The following WDR72 variants were observed in gnomAD, a reference collection of about 807,000 sequenced individuals.
WDR72 encodes WD repeat domain 72.
A neutral mutation model predicts 124.2 loss-of-function variants in WDR72; 120 were observed. The ratio of observed to expected loss-of-function variants is 0.97; its 90% CI spans 0.83 to 1.12. The LOEUF (loss-of-function observed/expected upper bound fraction) is 1.12, where lower values mean the gene tolerates loss of function less well. Among genes scored for constraint, WDR72 ranks in the 50% most tolerant of loss-of-function variants. The pLI, the probability that WDR72 is intolerant of heterozygous loss-of-function variation, is 0.00. For synonymous variants in WDR72, 452 were observed against 441.7 expected (o/e 1.02, Z -0.29); for missense variants, 1,387 against 1,278.8 (o/e 1.08, Z -1.29).
Position 53,548,484 on chromosome 15 carries a change from GAGTT to G in WDR72, c.3149-25166_3149-25163del, listed in dbSNP as rs1388104593. On this transcript the variant is annotated intron_variant, in intron 18 of 19. Transcript: ENST00000360509. ...CAAAGAGAGTGATTTTGAGAAGAGA[GAGTT>G]AGTTGCCAAAAGGAGAAAGCAAGGC... Among the ~76,000 whole-genome samples the G allele has an allele frequency of 1.1e-4, 17 of 152,286 alleles. No homozygotes were observed. The South Asian group carries it at 3.3e-3, about 30-fold the overall frequency.
chr15:53,640,510 T>C lies in WDR72; in HGVS notation c.1963-24267A>G, dbSNP rs150763990. ...GATTACAAATGAAAAGTAGCATTTT[T>C]CCATTCTTTTTCTAAAAATACAATC... On this transcript the variant is annotated intron_variant, in intron 14 of 19. Coordinates refer to ENST00000360509, the MANE Select transcript of WDR72 (RefSeq NM_182758.4). 2.5e-3 allele frequency among the ~76,000 whole-genome samples: 378 copies of C among 152,320 alleles called. 6 individuals carry two copies. Among genetic ancestry groups the C allele is most frequent in the African/African-American group, 8.7e-3 (361 of 41,578 alleles).
Position 53,540,110 on chromosome 15 carries a change from A to G in WDR72, c.3149-16788T>C, listed in dbSNP as rs529595372. Among the ~76,000 whole-genome samples the G allele has an allele frequency of 4.0e-4, 61 of 152,366 alleles. 1 individual carries two copies. The South Asian group carries it at 0.01, about 25-fold the overall frequency. ...TCAATGACTAATATATGTGTAAGTA[A>G]TAACACAGCTACTTTAATAAAGCAG... On this transcript the variant is annotated intron_variant, in intron 18 of 19. Coordinates refer to ENST00000360509, the MANE Select transcript of WDR72 (RefSeq NM_182758.4).
At chr15:53,701,448 G>A (rs1321443240) in intron 12 of WDR72, among the ~76,000 whole-genome samples, 1 of 151,920 alleles carries the variant, frequency 6.6e-6, no homozygotes, top group Non-Finnish European at 1.5e-5. Flanking sequence ...GGCTGAGGCA[G>A]GAGGATCCCT....
At chr15:53,619,048 T>G (rs1156390537) in intron 14 of WDR72, among the ~76,000 whole-genome samples, 1 of 152,012 alleles carries the variant, frequency 6.6e-6, no homozygotes, top group Non-Finnish European at 1.5e-5. Context: ...ATTTTTACAT[T>G]TTTCATTGCC....
chr15:53,595,723 C>G (rs1189169461), intron 18 of WDR72, among the ~76,000 whole-genome samples: 1 of 152,036 alleles, frequency 6.6e-6, no homozygotes, highest in Non-Finnish European at 1.5e-5. Flanking sequence ...TGTAGTCACT[C>G]AAAATTAATT....
intron 14 of WDR72, among the ~76,000 whole-genome samples, chr15:53,633,932 G>T (rs1484798240): frequency 1.3e-5 from 2 of 152,042 alleles, no homozygotes; most frequent in South Asian, 4.1e-4. Context: ...ATTCTTTATG[G>T]CATACATTGA....
chr15:53,681,191 A>G (rs1430425281), intron 13 of WDR72, among the ~76,000 whole-genome samples: 1 of 152,192 alleles, frequency 6.6e-6, no homozygotes, highest in Admixed American at 6.5e-5. Flanking sequence ...AGAGAATAAC[A>G]ATCATTACAG....
Position 53,549,218 on chromosome 15 carries a change from T to C in WDR72, c.3149-25896A>G, listed in dbSNP as rs533042134. 2.4e-4 allele frequency among the ~76,000 whole-genome samples: 37 copies of C among 152,336 alleles called. 1 individual carries two copies. In the South Asian group the frequency reaches 7.2e-3, roughly 30 times the overall value. ...ATGGTTTGTGCCCTAACAGATCTTA[T>C]GGTCTGACAGGCAAGAGACATTGAA... is the stretch of plus-strand genomic sequence containing the variant. On this transcript the variant is annotated intron_variant, in intron 18 of 19. Transcript: ENST00000360509.
At chr15:53,599,053 G>C (rs2012919058) in intron 17 of WDR72, among the ~76,000 whole-genome samples, 1 of 151,974 alleles carries the variant, frequency 6.6e-6, no homozygotes, top group Admixed American at 6.6e-5. Flanking sequence ...GAACCCAGGA[G>C]GCAGAGGATG....
At chr15:53,602,248 T>A (rs2013076940) in intron 17 of WDR72, among the ~76,000 whole-genome samples, 1 of 151,868 alleles carries the variant, frequency 6.6e-6, no homozygotes, top group South Asian at 2.1e-4. Flanking sequence ...TTTGGGTAAA[T>A]GACATTAAGG....
At position 53,517,102 on chromosome 15, in the gene WDR72, T is replaced by C. The variant is rs1203076404; in HGVS notation, c.*597A>G. ...AGTACAAGGTTGGTCACTGTTATAC[T>C]TTGTATCTCTTATTTGGGCTAATTG... On this transcript the variant is annotated 3_prime_UTR_variant, in exon 20 of 20. Transcript: ENST00000360509. 2 of 159,056 alleles carry C rather than the reference T, an allele frequency of 1.3e-5. No individual in the cohort carries two copies. Among genetic ancestry groups the C allele is most frequent in the Non-Finnish European group, 2.8e-5 (2 of 72,220 alleles). 9.9% of individuals were successfully genotyped at this position (159,056 alleles called of 1,614,324 possible). A position where few individuals can be genotyped will look rare whatever the true frequency, so the allele number is the denominator to read the frequency against.
At chr15:53,545,354 C>T (rs1261616011) in intron 18 of WDR72, among the ~76,000 whole-genome samples, 7 of 149,190 alleles carry the variant, frequency 4.7e-5, no homozygotes, top group East Asian at 2.0e-4. Flanking sequence ...TCAGAAATAA[C>T]GCCGCATATC....
In WDR72 at chr15:53,699,791, C is replaced by A. The variant is rs936374327; in HGVS notation, c.1724G>T (p.Gly575Val). ...GATATAAACTGAGTCATCTGCACAT[C>A]CAACAATTAAAAAATTCTCAACCGG... ...WHPVENFLIV[G>V]CADDSVYIWE... The change falls in exon 13 of 20, where the codon GGA becomes GTA. Residue 575 changes from glycine (G) to valine (V), a missense_variant. Physicochemically the swap from Gly to Val is moderately radical, Grantham distance 109 (BLOSUM62 -3). Transcript: ENST00000360509. 6.2e-7 allele frequency: 1 copy of A among 1,614,158 alleles called. No homozygotes were observed. Among genetic ancestry groups the A allele is most frequent in the Non-Finnish European group, 8.5e-7 (1 of 1,180,040 alleles).
At chr15:53,564,575 T>C (rs1342165843) in intron 18 of WDR72, among the ~76,000 whole-genome samples, 1 of 151,900 alleles carries the variant, frequency 6.6e-6, no homozygotes, top group African/African-American at 2.4e-5. Context: ...GCACAGGAAC[T>C]AGGAGGCCCA....
At chr15:53,667,121 G>A (rs1467833520) in intron 13 of WDR72, among the ~76,000 whole-genome samples, 1 of 152,142 alleles carries the variant, frequency 6.6e-6, no homozygotes, top group Non-Finnish European at 1.5e-5. Context: ...GGAGCCTGAG[G>A]TGGGCAGACT....
At chr15:53,741,593 T>A (rs755820691) in intron 1 of WDR72, among the ~76,000 whole-genome samples, 5 of 152,176 alleles carry the variant, frequency 3.3e-5, no homozygotes, top group Non-Finnish European at 7.3e-5. Context: ...GGCAAAAATA[T>A]ACATATTATG....
At chr15:53,649,594 A>T (rs1299781835) in intron 14 of WDR72, among the ~76,000 whole-genome samples, 1 of 151,946 alleles carries the variant, frequency 6.6e-6, no homozygotes, top group East Asian at 1.9e-4. Context: ...ATAGCAAAAA[A>T]CCCTAATAAT....
intron 8 of WDR72, 83 bp downstream of exon 8, chr15:53,711,253 C>T: frequency 1.3e-6 from 2 of 1,588,950 alleles, no homozygotes; most frequent in Non-Finnish European, 8.6e-7. Context: ...TCATGGGCAG[C>T]ATGCAGGGAT....
chr15:53,555,212 TA>T (rs67413847), intron 18 of WDR72, among the ~76,000 whole-genome samples: 10 of 148,528 alleles, frequency 6.7e-5, no homozygotes, highest in Middle Eastern at 3.5e-3. Context: ...CCATTTAAGA[TA>T]AAAAAAAAAG....
Sources: gnomAD v4.1 joint callset for allele counts (sites outside exome capture counted in the v4.1 genomes callset) on GRCh38, gnomAD v4.1.1 for gene constraint, MANE v1.5 for transcripts, NCBI Gene and HGNC (gene_info 2026-07-23, HGNC 2026-07-21) for gene names.